AGAP1: variants seen among roughly 807,000 people sequenced by gnomAD.
The protein encoded by AGAP1 is ArfGAP with GTPase domain, ankyrin repeat and PH domain 1, also known as arf-GAP with GTPase, ANK repeat and PH domain-containing protein 1.
AGAP1 carries 29 observed loss-of-function variants against 105.3 expected under a neutral mutation model. The observed-to-expected ratio is 0.28, with a 90% confidence interval of 0.21 to 0.38. The LOEUF is 0.38. Ranked by LOEUF, AGAP1 falls within the 10% of genes least tolerant of loss-of-function variation. AGAP1 has a pLI of 1.00. For synonymous variants in AGAP1, 509 were observed against 485.9 expected (o/e 1.05, Z -0.63); for missense variants, 998 against 1,165.1 (o/e 0.86, Z 2.09).
intron 9 of AGAP1, among the ~76,000 whole-genome samples, chr2:235,817,559 A>G (rs1958528542): frequency 6.6e-6 from 1 of 152,148 alleles, no homozygotes; most frequent in Non-Finnish European, 1.5e-5. Context: ...AAGTAAATAT[A>G]TAGGAATGTA....
chr2:235,648,654 A>C (rs1334287856), intron 1 of AGAP1, among the ~76,000 whole-genome samples: 1 of 149,844 alleles, frequency 6.7e-6, no homozygotes, highest in Non-Finnish European at 1.5e-5. Flanking sequence ...CAGGCAGATC[A>C]CTAGGTCAGG....
In AGAP1 at chr2:235,926,304, C is replaced by T. The variant is rs116770076; in HGVS notation, c.1325-4461C>T. Among the ~76,000 whole-genome samples the T allele has an allele frequency of 9.3e-3, 1,411 of 152,246 alleles. 24 individuals are homozygous for T. Among genetic ancestry groups the T allele is most frequent in the African/African-American group, 0.032 (1,322 of 41,542 alleles). On this transcript the variant is annotated intron_variant, in intron 11 of 17. Transcript: ENST00000304032. ...ATTTGGGGGTGGTTCGTTTCTTTGA[C>T]GGGTGGATTTACTGAAAGTAAGTGG...
chr2:236,108,776 C>A (rs962911303), intron 16 of AGAP1, among the ~76,000 whole-genome samples: 3 of 152,020 alleles, frequency 2.0e-5, no homozygotes, highest in Non-Finnish European at 4.4e-5. Flanking sequence ...TTTACAGCCC[C>A]CCAGAGCGCC....
intron 6 of AGAP1, among the ~76,000 whole-genome samples, chr2:235,796,433 G>C (rs915827551): frequency 1.3e-5 from 2 of 152,148 alleles, no homozygotes; most frequent in Admixed American, 6.5e-5. Context: ...ATGATTAGCT[G>C]ATGAAGGTTA....
At chr2:235,710,452 A>G (rs1276419495) in intron 2 of AGAP1, among the ~76,000 whole-genome samples, 1 of 151,944 alleles carries the variant, frequency 6.6e-6, no homozygotes, top group Non-Finnish European at 1.5e-5. Flanking sequence ...CCCCACCGCA[A>G]CCGCGGGGTG....
rs1311157538 is a variant in AGAP1, at chr2:235,880,103, A to T, written c.1051-3242A>T. 4.4e-3 allele frequency among the ~76,000 whole-genome samples: 599 copies of T among 135,910 alleles called. 3 individuals are homozygous for T. The highest frequency in any genetic ancestry group is 0.016 in the African/African-American group (554 of 34,600). 89.2% of individuals were successfully genotyped at this position (135,910 alleles called of 152,430 possible). ...CTGGCCTTTTTTTTTTTTTTTTTTT[A>T]AAGTTTTAATTCAGCCTAATTTAGT... On this transcript the variant is annotated intron_variant, in intron 9 of 17. Transcript: ENST00000304032.
At chr2:235,682,878 T>C (rs1202618727) in intron 1 of AGAP1, among the ~76,000 whole-genome samples, 1 of 152,018 alleles carries the variant, frequency 6.6e-6, no homozygotes, top group Non-Finnish European at 1.5e-5. Context: ...GCTGTAGTTC[T>C]TTTGTTGATG....
chr2:236,085,925 G>A (rs1397439270), intron 16 of AGAP1, among the ~76,000 whole-genome samples: 1 of 152,258 alleles, frequency 6.6e-6, no homozygotes, highest in Non-Finnish European at 1.5e-5. Flanking sequence ...GGGTTCATCT[G>A]GCTGCCAGGC....
intron 10 of AGAP1, among the ~76,000 whole-genome samples, chr2:235,898,091 G>T (rs145305074): frequency 6.6e-6 from 1 of 152,186 alleles, no homozygotes; most frequent in Non-Finnish European, 1.5e-5. Context: ...CTAAAAATCC[G>T]CTGATGATTA....
chr2:235,819,580 G>A (rs1405179099), intron 9 of AGAP1, among the ~76,000 whole-genome samples: 1 of 152,062 alleles, frequency 6.6e-6, no homozygotes, highest in Non-Finnish European at 1.5e-5. Flanking sequence ...ATCTGTGCTC[G>A]TGAAAATTTT....
At chr2:235,589,135 G>GCCC (rs915307614) in intron 1 of AGAP1, among the ~76,000 whole-genome samples, 2 of 149,376 alleles carry the variant, frequency 1.3e-5, no homozygotes, top group Non-Finnish European at 3.0e-5. Context: ...GGTTTCAGGA[G>GCCC]CCCCGATGCT....
intron 16 of AGAP1, among the ~76,000 whole-genome samples, chr2:236,102,737 G>A (rs563571240): frequency 4.5e-4 from 69 of 152,256 alleles, no homozygotes; most frequent in African/African-American, 1.7e-3. Flanking sequence ...GTGAGTTAAG[G>A]GGGTGTCACT....
At chr2:235,745,059 C>T (rs1310738546) in intron 5 of AGAP1, among the ~76,000 whole-genome samples, 1 of 151,814 alleles carries the variant, frequency 6.6e-6, no homozygotes, top group Admixed American at 6.6e-5. Flanking sequence ...ACACACATAT[C>T]CCAGGTGCTT....
chr2:236,011,615 G>C (rs1410006646), intron 13 of AGAP1, among the ~76,000 whole-genome samples: 2 of 152,112 alleles, frequency 1.3e-5, no homozygotes, highest in African/African-American at 4.8e-5. Context: ...GTGAAATTTT[G>C]ATACTAGAAT....
At chr2:235,594,045 A>T (rs1945437193) in intron 1 of AGAP1, among the ~76,000 whole-genome samples, 2 of 152,192 alleles carry the variant, frequency 1.3e-5, no homozygotes, top group African/African-American at 4.8e-5. Flanking sequence ...CATAAGTTTA[A>T]TGAAGATTTT....
chr2:235,679,594 G>A (rs746773046), intron 1 of AGAP1, among the ~76,000 whole-genome samples: 2 of 152,102 alleles, frequency 1.3e-5, no homozygotes, highest in Non-Finnish European at 2.9e-5. Context: ...GAGGAGTAGC[G>A]ATTACTTGGC....
In AGAP1 at chr2:236,083,900, T is replaced by C. The variant is rs1302664336; in HGVS notation, c.2114+34619T>C. ...ATGTGCGTGTGTATGCACACACACG[T>C]GCACACATACACACACAGGCACACA... On this transcript the variant is annotated intron_variant, in intron 16 of 17. Coordinates refer to ENST00000304032, the MANE Select transcript of AGAP1 (RefSeq NM_001037131.3). This position sits in a 1 kb window ranked among gnomAD's most constrained non-coding sequence, Gnocchi z 5.3. 6.6e-6 allele frequency among the ~76,000 whole-genome samples: 1 copy of C among 152,134 alleles called. No individual in the cohort carries two copies. Among genetic ancestry groups the C allele is most frequent in the African/African-American group, 2.4e-5 (1 of 41,420 alleles).
At position 235,610,963 on chromosome 2, in the gene AGAP1, A is replaced by T. The variant is rs955991612; in HGVS notation, c.164-98216A>T. ...AGCGGCCCAGTAGGATGGTTGACTG[A>T]CGTTAGCTTGGCTTTCTTCCTAAGG... On this transcript the variant is annotated intron_variant, in intron 1 of 17. Transcript: ENST00000304032. The surrounding 1 kb of genome is among the most constrained non-coding windows in gnomAD (Gnocchi z 4.9). 1.3e-5 allele frequency among the ~76,000 whole-genome samples: 2 copies of T among 151,970 alleles called. No individual in the cohort carries two copies. Among genetic ancestry groups the T allele is most frequent in the African/African-American group, 2.4e-5 (1 of 41,322 alleles).
In AGAP1 at chr2:235,744,947, A is replaced by G; in HGVS notation, c.538+108A>G. The G allele has an allele frequency of 1.5e-6, 2 of 1,349,318 alleles. No homozygotes were observed. Among genetic ancestry groups the G allele is most frequent in the Non-Finnish European group, 2.0e-6 (2 of 997,690 alleles). The allele number at this position is 1,349,318 out of a possible 1,614,324, so 83.6% of individuals were successfully genotyped here. A position where few individuals can be genotyped will look rare whatever the true frequency, so the allele number is the denominator to read the frequency against. On this transcript the variant is annotated intron_variant, in intron 5 of 17. Transcript: ENST00000304032. This position sits in a 1 kb window ranked among gnomAD's most constrained non-coding sequence, Gnocchi z 5.2. Reference sequence around the variant, plus strand: ...TTAAAGAAGGAAAAATTGCCTACTGAACGCTCACTTTTTTGGGAAAAATTA... The same window carrying G: ...TTAAAGAAGGAAAAATTGCCTACTGGACGCTCACTTTTTTGGGAAAAATTA...
Sources: gnomAD v4.1 joint callset for allele counts (sites outside exome capture counted in the v4.1 genomes callset) on GRCh38, gnomAD v4.1.1 for gene constraint, Gnocchi (gnomAD v3.1) non-coding constraint, MANE v1.5 for transcripts, NCBI Gene and HGNC (gene_info 2026-07-23, HGNC 2026-07-21) for gene names.